Variants in MLLT10 observed in about 807,000 individuals in gnomAD.
The protein encoded by MLLT10 is protein AF-10.
A neutral mutation model predicts 129.1 loss-of-function variants in MLLT10; 30 were observed. The ratio of observed to expected loss-of-function variants is 0.23; its 90% CI spans 0.17 to 0.32. The LOEUF (loss-of-function observed/expected upper bound fraction) is 0.32. Ranked by LOEUF, MLLT10 falls within the 10% of genes least tolerant of loss-of-function variation. The probability of loss-of-function intolerance (pLI) is 1.00; values close to 1 mark genes in which losing one functional copy is unlikely to be tolerated. For synonymous variants in MLLT10, 490 were observed against 446.4 expected (o/e 1.10, Z -1.23); for missense variants, 1,119 against 1,268.3 (o/e 0.88, Z 1.79).
chr10:21,596,297 G>T (rs895290031), intron 5 of MLLT10, among the ~76,000 whole-genome samples: 13 of 151,842 alleles, frequency 8.6e-5, no homozygotes, highest in Non-Finnish European at 1.8e-4. Flanking sequence ...TTTGCTTTTG[G>T]AACTTACACA....
At position 21,742,096 on chromosome 10, in the gene MLLT10, C is replaced by T. The variant is rs116086670; in HGVS notation, c.*113C>T. 1.6e-3 allele frequency: 1,433 copies of T among 901,068 alleles called. 8 individuals are homozygous for T. The African/African-American group carries it at 0.019, about 12-fold the overall frequency. The allele number at this position is 901,068 out of a possible 1,614,324, so 55.8% of individuals were successfully genotyped here. A position where few individuals can be genotyped will look rare whatever the true frequency, so the allele number is the denominator to read the frequency against. On this transcript the variant is annotated 3_prime_UTR_variant, in exon 23 of 23. Coordinates refer to ENST00000307729, the MANE Select transcript of MLLT10 (RefSeq NM_001195626.3). ...GAAACGCAACAAGAAACTCAATGCA[C>T]AACAAAGGATTAATTGCTGCAAGGA...
chr10:21,704,329 TTCTC>T lies in MLLT10; in HGVS notation c.1700-9417_1700-9414del, dbSNP rs1198146694. Reference sequence around the variant, plus strand: ...CAGCCTCTGTTTTGTTCTTTTTAAATTCTCTCTCTCTCTCTCTCTCTCTCTCTCT... The same window carrying T: ...CAGCCTCTGTTTTGTTCTTTTTAAATTCTCTCTCTCTCTCTCTCTCTCTCT... On this transcript the variant is annotated intron_variant, in intron 13 of 22. Transcript: ENST00000307729. Among the ~76,000 whole-genome samples, 230 of 121,084 alleles carry T rather than the reference TTCTC, an allele frequency of 1.9e-3. 2 individuals are homozygous for T. Among genetic ancestry groups the T allele is most frequent in the Admixed American group, 4.9e-3 (57 of 11,728 alleles). The allele number at this position is 121,084 out of a possible 152,430, so 79.4% of individuals were successfully genotyped here.
chr10:21,635,081 CA>C (rs1238008838), intron 8 of MLLT10, among the ~76,000 whole-genome samples: 1 of 152,170 alleles, frequency 6.6e-6, no homozygotes, highest in African/African-American at 2.4e-5. Flanking sequence ...GAGATCATAC[CA>C]GTCCTTCTTA....
intron 13 of MLLT10, among the ~76,000 whole-genome samples, chr10:21,692,750 G>A (rs2053996002): frequency 6.6e-6 from 1 of 151,134 alleles, no homozygotes; most frequent in South Asian, 2.1e-4. Flanking sequence ...GCCTCCCGAA[G>A]TGCTGGGATT....
At chr10:21,739,852 TACTG>T (rs2058685180) in intron 21 of MLLT10, among the ~76,000 whole-genome samples, 174 bp from the exon 22 acceptor site, 1 of 152,222 alleles carries the variant, frequency 6.6e-6, no homozygotes, top group Non-Finnish European at 1.5e-5. Context: ...TTGCTGAAGA[TACTG>T]ACATTTTATA....
At chr10:21,675,353 G>GC (rs1247979591) in intron 11 of MLLT10, among the ~76,000 whole-genome samples, 2 of 152,116 alleles carry the variant, frequency 1.3e-5, no homozygotes, top group Non-Finnish European at 2.9e-5. Flanking sequence ...CCCAGTCCCT[G>GC]CCCCCTACAG....
At chr10:21,674,982 TAAAC>T (rs988113501) in intron 11 of MLLT10, among the ~76,000 whole-genome samples, 9 of 37,066 alleles carry the variant, frequency 2.4e-4, no homozygotes, top group Admixed American at 5.7e-4. Context: ...AACAAATAAA[TAAAC>T]AAATAAGAAA....
At chr10:21,674,359 C>T (rs1328418734) in intron 11 of MLLT10, among the ~76,000 whole-genome samples, 1 of 151,982 alleles carries the variant, frequency 6.6e-6, no homozygotes, top group Non-Finnish European at 1.5e-5. Flanking sequence ...CTAAACGACT[C>T]CTCACACAGA....
At chr10:21,695,419 G>A (rs939306655) in intron 13 of MLLT10, among the ~76,000 whole-genome samples, 33 of 152,016 alleles carry the variant, frequency 2.2e-4, no homozygotes, top group Non-Finnish European at 3.5e-4. Context: ...CTAGATTAGC[G>A]TTTCATTGAA....
intron 18 of MLLT10, 66 bp downstream of exon 18, chr10:21,733,153 G>A (rs936621865): frequency 6.9e-7 from 1 of 1,448,302 alleles, no homozygotes; most frequent in African/African-American, 1.4e-5. Context: ...TGTATTATAA[G>A]TGAGTAATAA....
intron 18 of MLLT10, 77 bp from the exon 19 acceptor site, chr10:21,733,424 CTTT>C: frequency 1.1e-6 from 1 of 910,142 alleles, no homozygotes; most frequent in Non-Finnish European, 1.6e-6. Flanking sequence ...TCAGCATAAG[CTTT>C]TTAATAAGCC....
intron 7 of MLLT10, 55 bp from the exon 8 acceptor site, chr10:21,617,057 T>C (rs2131211902): frequency 1.2e-6 from 1 of 804,368 alleles, no homozygotes; most frequent in Admixed American, 3.5e-5. Flanking sequence ...CAAAAAGATT[T>C]GTTTAAAAAG....
In MLLT10 at chr10:21,704,120, C is replaced by T. The variant is rs921139092; in HGVS notation, c.1700-9652C>T. 5.9e-4 allele frequency among the ~76,000 whole-genome samples: 82 copies of T among 139,664 alleles called. 1 individual carries two copies. The highest frequency in any genetic ancestry group is 3.0e-5 in the Non-Finnish European group (2 of 66,004). 91.6% of individuals were successfully genotyped at this position (139,664 alleles called of 152,430 possible). A position where few individuals can be genotyped will look rare whatever the true frequency, so the allele number is the denominator to read the frequency against. The stretch of plus-strand genomic sequence containing the variant: ...TGCCCCCTAGGTTCAAGTGATTCTC[C>T]TGCTTCAGCCTCCTAAGTAGCTGTG... On this transcript the variant is annotated intron_variant, in intron 13 of 22. Coordinates refer to ENST00000307729, the MANE Select transcript of MLLT10 (RefSeq NM_001195626.3).
At chr10:21,684,875 C>T (rs2053132853) in intron 13 of MLLT10, among the ~76,000 whole-genome samples, 1 of 152,190 alleles carries the variant, frequency 6.6e-6, no homozygotes, top group Non-Finnish European at 1.5e-5. Flanking sequence ...TGTTATACTA[C>T]TATGTGCAAC....
chr10:21,534,319 C>CA lies in MLLT10; in HGVS notation c.-202_-201insA, dbSNP rs1354111629. On this transcript the variant is annotated 5_prime_UTR_variant, in exon 1 of 23. Coordinates refer to ENST00000307729, the MANE Select transcript of MLLT10 (RefSeq NM_001195626.3). The stretch of plus-strand genomic sequence containing the variant: ...GGCCCAGCGGGAGCCCCCCCTCCCC[C>CA]CAGTGCGCCTGTGCGGAGGCCCTCT... 3.0e-5 allele frequency: 12 copies of CA among 395,612 alleles called. 1 individual carries two copies. Among genetic ancestry groups the CA allele is most frequent in the Admixed American group, 2.2e-4 (5 of 22,700 alleles). 24.5% of individuals were successfully genotyped at this position (395,612 alleles called of 1,614,324 possible).
At chr10:21,590,748 A>G (rs1213534998) in intron 4 of MLLT10, among the ~76,000 whole-genome samples, 2 of 151,674 alleles carry the variant, frequency 1.3e-5, no homozygotes, top group Admixed American at 6.6e-5. Context: ...CTTTGTTTTT[A>G]TTTTTATTTT....
At chr10:21,581,337 C>T (rs1182153025) in intron 3 of MLLT10, among the ~76,000 whole-genome samples, 4 of 152,088 alleles carry the variant, frequency 2.6e-5, no homozygotes, top group Non-Finnish European at 4.4e-5. Flanking sequence ...TGAGCCACTG[C>T]GCCCAGCCAT....
At chr10:21,555,090 G>A (rs1010713027) in intron 3 of MLLT10, among the ~76,000 whole-genome samples, 4 of 152,020 alleles carry the variant, frequency 2.6e-5, no homozygotes, top group Non-Finnish European at 5.9e-5. Context: ...CGAAGTGCTG[G>A]GATTACAGGC....
At chr10:21,723,551 A>T (rs561403515) in intron 14 of MLLT10, among the ~76,000 whole-genome samples, 3 of 152,214 alleles carry the variant, frequency 2.0e-5, no homozygotes, top group Non-Finnish European at 4.4e-5. Context: ...GTGCTAAGGC[A>T]TCTAGAAGTA....
Sources: allele counts gnomAD v4.1 joint callset (sites outside exome capture counted in the v4.1 genomes callset), GRCh38; gene constraint gnomAD v4.1.1; transcripts MANE v1.5; gene names NCBI Gene and HGNC (gene_info 2026-07-23, HGNC 2026-07-21).